The following FAR2 variants were observed in gnomAD, a reference collection of about 807,000 sequenced individuals.
The protein encoded by FAR2 is epididymis secretory protein Li 81.
FAR2 carries 19 observed loss-of-function variants against 56.0 expected under a neutral mutation model. The ratio of observed to expected loss-of-function variants is 0.34; its 90% confidence interval spans 0.24 to 0.50. The LOEUF is 0.50. FAR2 is among the 20% of genes least tolerant of loss of function. FAR2 has a pLI of 0.98. For synonymous variants in FAR2, 219 were observed against 218.8 expected (o/e 1.00, Z -0.01); for missense variants, 508 against 642.2 (o/e 0.79, Z 2.26).
intron 8 of FAR2, among the ~76,000 whole-genome samples, chr12:29,312,313 A>G (rs1949367017): frequency 6.6e-6 from 1 of 152,158 alleles, no homozygotes; most frequent in Non-Finnish European, 1.5e-5. Flanking sequence ...TCCCTTCTTG[A>G]TATGTCACTG....
At chr12:29,332,457 T>G (rs1949743762) in intron 10 of FAR2, 143 bp from the exon 11 acceptor site, 2 of 1,115,658 alleles carry the variant, frequency 1.8e-6, no homozygotes, top group African/African-American at 3.2e-5. Context: ...AAATAATGAC[T>G]CAAATAATCT....
intron 1 of FAR2, among the ~76,000 whole-genome samples, chr12:29,221,086 ATAACTG>A (rs1368820353): frequency 6.6e-6 from 1 of 152,074 alleles, no homozygotes; most frequent in East Asian, 1.9e-4. Flanking sequence ...TACAACTCCA[ATAACTG>A]GTAACAACAC....
At chr12:29,164,025 A>T (rs1591825187) in intron 1 of FAR2, among the ~76,000 whole-genome samples, 3 of 152,308 alleles carry the variant, frequency 2.0e-5, no homozygotes, top group Admixed American at 1.3e-4. Context: ...ATATGGTTTG[A>T]CCTAATAATA....
chr12:29,334,684 T>C lies in FAR2; in HGVS notation c.*890T>C, dbSNP rs1013331641. 1 of 152,154 alleles carries C rather than the reference T, an allele frequency of 6.6e-6. No individual in the cohort carries two copies. The highest frequency in any genetic ancestry group is 2.4e-5 in the African/African-American group (1 of 41,448). 9.4% of individuals were successfully genotyped at this position (152,154 alleles called of 1,614,324 possible). Reference sequence around the variant, plus strand: ...GATGGTCCCATTTGATCTTTGCCACTGAGCAAAACAAAACTTCAAATGAAC... The same window carrying C: ...GATGGTCCCATTTGATCTTTGCCACCGAGCAAAACAAAACTTCAAATGAAC... On this transcript the variant is annotated 3_prime_UTR_variant, in exon 12 of 12. Transcript: ENST00000536681.
intron 1 of FAR2, among the ~76,000 whole-genome samples, chr12:29,244,067 G>A (rs150158755): frequency 0.017 from 2,554 of 152,290 alleles, 27 homozygotes; most frequent in Middle Eastern, 0.027. Context: ...TGTGGTGATA[G>A]TAGACATTAC....
chr12:29,259,797 C>G (rs1241118488), intron 1 of FAR2, among the ~76,000 whole-genome samples: 2 of 152,172 alleles, frequency 1.3e-5, no homozygotes, highest in Admixed American at 1.3e-4. Context: ...CGCAGACTCA[C>G]TCTCTTTTTT....
intron 1 of FAR2, among the ~76,000 whole-genome samples, chr12:29,175,434 C>T (rs1949928500): frequency 6.6e-6 from 1 of 152,186 alleles, no homozygotes; most frequent in Admixed American, 6.5e-5. Flanking sequence ...TGTTACAGCT[C>T]TTAAAGGTGG....
chr12:29,229,066 G>T (rs575018562), intron 1 of FAR2, among the ~76,000 whole-genome samples: 8 of 152,312 alleles, frequency 5.3e-5, no homozygotes, highest in African/African-American at 1.9e-4. Flanking sequence ...TTTAATGCAA[G>T]AAAGAGTGTA....
At chr12:29,296,871 T>G in intron 3 of FAR2, 150 bp from the exon 4 acceptor site, 2 of 651,112 alleles carry the variant, frequency 3.1e-6, no homozygotes, top group Non-Finnish European at 5.3e-6. Flanking sequence ...ATCACATAAC[T>G]GTGTAGCCAT....
chr12:29,305,103 T>C (rs542684790), intron 4 of FAR2, among the ~76,000 whole-genome samples: 1 of 151,872 alleles, frequency 6.6e-6, no homozygotes, highest in Non-Finnish European at 1.5e-5. Context: ...AGTGATATTT[T>C]ATTTTTATTT....
At chr12:29,160,777 G>A (rs1431718359) in intron 1 of FAR2, among the ~76,000 whole-genome samples, 2 of 151,916 alleles carry the variant, frequency 1.3e-5, no homozygotes, top group African/African-American at 2.4e-5. Flanking sequence ...CTTTCTATGC[G>A]TATATCTGTC....
chr12:29,256,314 A>G (rs1395488355), intron 1 of FAR2, among the ~76,000 whole-genome samples: 1 of 152,074 alleles, frequency 6.6e-6, no homozygotes, highest in Non-Finnish European at 1.5e-5. Context: ...CAGCCTTCCT[A>G]GTAGCTGAGA....
intron 1 of FAR2, among the ~76,000 whole-genome samples, chr12:29,158,287 A>G (rs1052818936): frequency 1.6e-4 from 24 of 152,320 alleles, no homozygotes; most frequent in African/African-American, 5.8e-4. Flanking sequence ...CCTTCAGGAC[A>G]TATCTGCCCT....
intron 1 of FAR2, among the ~76,000 whole-genome samples, chr12:29,175,641 G>T (rs141841500): frequency 1.2e-3 from 185 of 152,314 alleles, no homozygotes; most frequent in African/African-American, 4.3e-3. Context: ...TTTACAGAGT[G>T]CTGTTTGGTC....
chr12:29,205,239 G>C (rs576047752), intron 1 of FAR2, among the ~76,000 whole-genome samples: 1 of 152,260 alleles, frequency 6.6e-6, no homozygotes, highest in East Asian at 1.9e-4. Flanking sequence ...AATAGTACTT[G>C]TTTGTCGCTT....
intron 1 of FAR2, among the ~76,000 whole-genome samples, chr12:29,169,563 C>T (rs1949865468): frequency 6.6e-6 from 1 of 152,132 alleles, no homozygotes; most frequent in Non-Finnish European, 1.5e-5. Context: ...ATTTCAGAAG[C>T]CTTTTCCTGT....
At chr12:29,271,384 T>C (rs1948615723) in intron 2 of FAR2, among the ~76,000 whole-genome samples, 1 of 152,226 alleles carries the variant, frequency 6.6e-6, no homozygotes, top group Non-Finnish European at 1.5e-5. Context: ...TTTTAGATTT[T>C]CAAACTTTCC....
chr12:29,263,226 G>C (rs188401531), intron 1 of FAR2, among the ~76,000 whole-genome samples: 1 of 152,230 alleles, frequency 6.6e-6, no homozygotes, highest in Admixed American at 6.5e-5. Flanking sequence ...CCCACCTTCA[G>C]CATTGGACAG....
intron 1 of FAR2, among the ~76,000 whole-genome samples, chr12:29,234,327 CA>C (rs1435375352): frequency 2.0e-5 from 3 of 152,102 alleles, no homozygotes; most frequent in African/African-American, 7.2e-5. Context: ...CTTTCCTAGT[CA>C]ATATCATCAG....
Sources: allele counts gnomAD v4.1 joint callset (sites outside exome capture counted in the v4.1 genomes callset), GRCh38; gene constraint gnomAD v4.1.1; transcripts MANE v1.5; gene names NCBI Gene and HGNC (gene_info 2026-07-23, HGNC 2026-07-21).